The following EDIL3 variants were observed in gnomAD, a reference collection of about 807,000 sequenced individuals.
EDIL3 encodes the protein EGF like and discoidin domains 3.
In EDIL3, 37 loss-of-function variants were observed where a neutral mutation model predicts 67.4. That is an observed-to-expected ratio of 0.55 (90% CI 0.42 to 0.72). EDIL3 has a LOEUF of 0.72. Ranked by LOEUF, EDIL3 falls within the 30% of genes least tolerant of loss-of-function variation. The pLI is 0.00. For synonymous variants in EDIL3, 195 were observed against 196.3 expected, an observed-to-expected ratio of 0.99 and a Z score of 0.05; for missense variants, 527 against 586.3, an observed-to-expected ratio of 0.90 and a Z score of 1.04.
chr5:84,081,610 G>A (rs1421473416), intron 6 of EDIL3, among the ~76,000 whole-genome samples: 3 of 152,118 alleles, frequency 2.0e-5, no homozygotes, highest in African/African-American at 7.2e-5. Flanking sequence ...AAGGGGAGAG[G>A]GAAGAGGAAT....
At chr5:84,007,077 T>C (rs1423239436) in intron 9 of EDIL3, among the ~76,000 whole-genome samples, 1 of 152,014 alleles carries the variant, frequency 6.6e-6, no homozygotes, top group Non-Finnish European at 1.5e-5. Flanking sequence ...AAACTGGATA[T>C]CCATATGCAG....
rs377681792 is a variant in EDIL3, at chr5:83,943,414, T to C, written c.*5A>G. 2.7e-5 allele frequency: 43 copies of C among 1,611,750 alleles called. No homozygotes were observed. The highest frequency in any genetic ancestry group is 4.0e-5 in the African/African-American group (3 of 74,694). On this transcript the variant is annotated 3_prime_UTR_variant, in exon 11 of 11. Coordinates refer to ENST00000296591, the MANE Select transcript of EDIL3 (RefSeq NM_005711.5). The stretch of plus-strand genomic sequence containing the variant: ...GGGAAGAGGGTTGTGAAATGTAGCC[T>C]CCCCTCATTCCTCCTCTGTGCAGCC...
chr5:84,243,737 C>T (rs572557113), intron 2 of EDIL3, among the ~76,000 whole-genome samples: 3 of 152,242 alleles, frequency 2.0e-5, no homozygotes, highest in South Asian at 2.1e-4. Context: ...TTTGCCCTCC[C>T]TATTTTTCTT....
chr5:84,105,483 C>T (rs1747443917), intron 6 of EDIL3, among the ~76,000 whole-genome samples: 2 of 151,966 alleles, frequency 1.3e-5, no homozygotes, highest in Admixed American at 1.3e-4. Flanking sequence ...AATCAATTTT[C>T]GTTTATACCA....
chr5:84,280,453 T>TA (rs1745672029), intron 1 of EDIL3, among the ~76,000 whole-genome samples: 1 of 152,202 alleles, frequency 6.6e-6, no homozygotes, highest in Non-Finnish European at 1.5e-5. Context: ...TTCTTATGGC[T>TA]ATTAAGTATG....
intron 1 of EDIL3, among the ~76,000 whole-genome samples, chr5:84,298,273 G>A (rs182250238): frequency 6.6e-5 from 10 of 152,222 alleles, no homozygotes; most frequent in South Asian, 2.1e-4. Flanking sequence ...AATGTGGTAC[G>A]TACACACCAT....
rs532312620 is a variant in EDIL3 at position 84,048,676 on chromosome 5, C to T, written c.1137+11624G>A. On this transcript the variant is annotated intron_variant, in intron 9 of 10. Transcript: ENST00000296591. The stretch of plus-strand genomic sequence containing the variant: ...GTTACCCTTTATGAAATCTGAAAAA[C>T]GTTTAGTAGATTTAATTATGAATAG... 6.6e-5 allele frequency among the ~76,000 whole-genome samples: 10 copies of T among 151,888 alleles called. No homozygotes were observed. In the East Asian group the frequency reaches 1.7e-3, roughly 26 times the overall value.
At chr5:84,194,845 G>A (rs143201284) in intron 3 of EDIL3, among the ~76,000 whole-genome samples, 34 of 151,902 alleles carry the variant, frequency 2.2e-4, no homozygotes, top group African/African-American at 7.2e-4. Context: ...ATTGACTGTA[G>A]CTCATAAAAC....
chr5:84,361,154 T>A (rs1440217228), intron 1 of EDIL3, among the ~76,000 whole-genome samples: 1 of 152,036 alleles, frequency 6.6e-6, no homozygotes. Flanking sequence ...ATTCTTGTTT[T>A]ACCTATTTAA....
intron 1 of EDIL3, among the ~76,000 whole-genome samples, chr5:84,259,005 C>T (rs1034373034): frequency 3.8e-5 from 5 of 132,026 alleles, no homozygotes; most frequent in African/African-American, 5.8e-5. Flanking sequence ...GACAGAGTCT[C>T]GCTCTGTGCA....
At chr5:83,997,073 C>CTAT (rs974405430) in intron 9 of EDIL3, among the ~76,000 whole-genome samples, 9 of 152,026 alleles carry the variant, frequency 5.9e-5, no homozygotes, top group Non-Finnish European at 1.3e-4. Context: ...GAAATGCAGG[C>CTAT]ATATACTGGT....
intron 3 of EDIL3, among the ~76,000 whole-genome samples, chr5:84,222,601 T>C (rs1744364864): frequency 1.3e-5 from 2 of 151,906 alleles, no homozygotes; most frequent in South Asian, 4.1e-4. Context: ...TTTAACTTTA[T>C]AAATATATGA....
chr5:84,103,722 T>C (rs1580328428), intron 6 of EDIL3, among the ~76,000 whole-genome samples: 1 of 151,988 alleles, frequency 6.6e-6, no homozygotes, highest in South Asian at 2.1e-4. Flanking sequence ...TAATAATAGA[T>C]GCTGGCAAGG....
At chr5:84,282,621 A>C (rs1340314233) in intron 1 of EDIL3, among the ~76,000 whole-genome samples, 4 of 152,198 alleles carry the variant, frequency 2.6e-5, no homozygotes, top group Non-Finnish European at 5.9e-5. Context: ...ATGTACCTAC[A>C]GATAAAGTAG....
At position 84,285,986 on chromosome 5, in the gene EDIL3, G is replaced by A. The variant is rs563425684; in HGVS notation, c.68-31774C>T. On this transcript the variant is annotated intron_variant, in intron 1 of 10. Transcript: ENST00000296591. ...TGCCTGTTTGAACATTATTGCTGGC[G>A]GCCAGAATCTCAACCTATATAATTC... Among the ~76,000 whole-genome samples the A allele has an allele frequency of 2.0e-4, 31 of 152,174 alleles. No individual in the cohort carries two copies. The South Asian group carries it at 2.9e-3, about 14-fold the overall frequency.
chr5:83,989,936 G>T (rs1489911842), intron 9 of EDIL3, among the ~76,000 whole-genome samples: 1 of 152,098 alleles, frequency 6.6e-6, no homozygotes, highest in Non-Finnish European at 1.5e-5. Context: ...GCATCCAGCT[G>T]GCAACTAGCA....
At chr5:84,011,980 T>G (rs1356143518) in intron 9 of EDIL3, among the ~76,000 whole-genome samples, 1 of 152,188 alleles carries the variant, frequency 6.6e-6, no homozygotes, top group Non-Finnish European at 1.5e-5. Flanking sequence ...TCCACTAGAT[T>G]ATAAATTCCA....
chr5:84,377,709 A>G (rs1365900687), intron 1 of EDIL3, among the ~76,000 whole-genome samples: 1 of 152,198 alleles, frequency 6.6e-6, no homozygotes, highest in Non-Finnish European at 1.5e-5. Context: ...AGAGATTAAA[A>G]CCTTGGTCTT....
intron 1 of EDIL3, among the ~76,000 whole-genome samples, chr5:84,262,792 T>A (rs1443528726): frequency 6.7e-6 from 1 of 149,564 alleles, no homozygotes; most frequent in Non-Finnish European, 1.5e-5. Context: ...TGCCTCAGCC[T>A]CCTGACTAGC....
Sources: allele counts gnomAD v4.1 joint callset (sites outside exome capture counted in the v4.1 genomes callset), GRCh38; gene constraint gnomAD v4.1.1; transcripts MANE v1.5; gene names NCBI Gene and HGNC (gene_info 2026-07-23, HGNC 2026-07-21).